The following IFNLR1 variants were observed in gnomAD, a reference collection of about 807,000 sequenced individuals.
IFNLR1 encodes interferon lambda receptor 1.
A neutral mutation model predicts 52.5 loss-of-function variants in IFNLR1; 28 were observed. The observed-to-expected ratio is 0.53, with a 90% confidence interval of 0.40 to 0.73. The LOEUF is 0.73. Among genes scored for constraint, IFNLR1 ranks in the 30% least tolerant of loss-of-function variants. The probability of loss-of-function intolerance (pLI) is 0.00; values close to 1 mark genes in which losing one functional copy is unlikely to be tolerated. For missense variants in IFNLR1, 623 were observed against 659.1 expected (o/e 0.95, Z 0.60); for synonymous variants, 276 against 274.9 (o/e 1.00, Z -0.04).
rs1644394985 is a variant in IFNLR1 at position 24,157,548 on chromosome 1, GCAGAGGAGCCTTCGCTTGGGAC to G, written c.1123_1144del (p.Val375LeufsTer91). 1 of 1,611,962 alleles carries G rather than the reference GCAGAGGAGCCTTCGCTTGGGAC, an allele frequency of 6.2e-7. No individual in the cohort carries two copies. Among genetic ancestry groups the G allele is most frequent in the Non-Finnish European group, 8.5e-7 (1 of 1,179,098 alleles). On this transcript the variant is annotated frameshift_variant, in exon 7 of 7. Coordinates refer to ENST00000327535, the MANE Select transcript of IFNLR1 (RefSeq NM_170743.4). LOFTEE classifies it high-confidence loss of function. This position sits in a 1 kb window ranked among gnomAD's most constrained non-coding sequence, Gnocchi z 5.1. ...CCAGCTTCTGTCTGAAGAATCCCAA[GCAGAGGAGCCTTCGCTTGGGAC>G]CAGAGGAGCCCTGGGCCTCCCTGAG...
At chr1:24,168,677 C>A (rs1289894365) in intron 3 of IFNLR1, among the ~76,000 whole-genome samples, 1 of 151,178 alleles carries the variant, frequency 6.6e-6, no homozygotes, top group African/African-American at 2.4e-5. Context: ...TCATCTTTAC[C>A]CCCCCACCCC....
chr1:24,157,924 T>A lies in IFNLR1; in HGVS notation c.802-33A>T. The A allele has an allele frequency of 2.0e-6, 3 of 1,513,706 alleles. No individual in the cohort carries two copies. The highest frequency in any genetic ancestry group is 2.6e-6 in the Non-Finnish European group (3 of 1,133,680). 93.8% of individuals were successfully genotyped at this position (1,513,706 alleles called of 1,614,324 possible). A position where few individuals can be genotyped will look rare whatever the true frequency, so the allele number is the denominator to read the frequency against. ...GGGTAGGGGAGAGAAAAGCAGAAAA[T>A]TTAGGCTTTCCTGAAGCATAATTAT... On this transcript the variant is annotated intron_variant, in intron 6 of 6. Transcript: ENST00000327535. The surrounding 1 kb of genome is among the most constrained non-coding windows in gnomAD (Gnocchi z 5.1).
intron 1 of IFNLR1, among the ~76,000 whole-genome samples, chr1:24,182,565 T>C (rs992138000): frequency 5.3e-5 from 8 of 152,206 alleles, no homozygotes; most frequent in Admixed American, 3.9e-4. Flanking sequence ...CTAGGTGTGC[T>C]TACATGTTAA....
chr1:24,165,635 T>C lies in IFNLR1; in HGVS notation c.367+3782A>G, dbSNP rs78961338. Among the ~76,000 whole-genome samples, 1,483 of 152,314 alleles carry C rather than the reference T, an allele frequency of 9.7e-3. 18 individuals carry two copies. The highest frequency in any genetic ancestry group is 0.034 in the African/African-American group (1,431 of 41,572). On this transcript the variant is annotated intron_variant, in intron 3 of 6. Coordinates refer to ENST00000327535, the MANE Select transcript of IFNLR1 (RefSeq NM_170743.4). The stretch of plus-strand genomic sequence containing the variant: ...ACCACCTTTCAAGTTCTAACTAAAA[T>C]GCCACTTCTTCCATGCAGCCTTCCC...
chr1:24,162,742 TTC>T (rs879259777), intron 3 of IFNLR1, among the ~76,000 whole-genome samples: 2,522 of 31,500 alleles, frequency 0.08, 158 homozygotes, highest in South Asian at 0.13. Context: ...CTTTCTTTCT[TTC>T]TTTCTTTCTT....
chr1:24,157,873 G>A lies in IFNLR1; in HGVS notation c.820C>T (p.His274Tyr), dbSNP rs1412562128. ...CTGGGCTGAAAGGTTGCCACAGGGTGTGTGTGTCCAGAAAAGTCCTGATTT... is the reference window on the plus strand; with the variant it reads ...CTGGGCTGAAAGGTTGCCACAGGGTATGTGTGTCCAGAAAAGTCCTGATTT... Reference protein sequence around the residue: ...PRALDFSGHTHPVATFQPSRP... With the variant: ...PRALDFSGHTYPVATFQPSRP... The change falls in exon 7 of 7, where the codon CAC becomes TAC. Residue 274 changes from histidine (H) to tyrosine (Y), a missense_variant. Transcript: ENST00000327535. This position sits in a 1 kb window ranked among gnomAD's most constrained non-coding sequence, Gnocchi z 5.1. The A allele has an allele frequency of 6.3e-7, 1 of 1,589,786 alleles. No individual in the cohort carries two copies. Among genetic ancestry groups the A allele is most frequent in the Admixed American group, 1.8e-5 (1 of 54,388 alleles).
chr1:24,173,794 G>A (rs772191600), intron 2 of IFNLR1, among the ~76,000 whole-genome samples: 5 of 151,480 alleles, frequency 3.3e-5, no homozygotes, highest in Non-Finnish European at 7.4e-5. Context: ...GGCTACAGGT[G>A]TACGCCACCA....
At chr1:24,181,129 C>A (rs569786308) in intron 1 of IFNLR1, among the ~76,000 whole-genome samples, 1 of 152,296 alleles carries the variant, frequency 6.6e-6, no homozygotes, top group South Asian at 2.1e-4. Context: ...TTGAGGATAT[C>A]AAGGACCAGG....
intron 3 of IFNLR1, 62 bp from the exon 4 acceptor site, chr1:24,161,746 A>G (rs1644446415): frequency 7.0e-7 from 1 of 1,425,516 alleles, no homozygotes; most frequent in East Asian, 2.5e-5. Flanking sequence ...CCATCCCCCA[A>G]GACCAGAGAG....
chr1:24,170,410 G>C (rs1438629745), intron 2 of IFNLR1, among the ~76,000 whole-genome samples: 2 of 152,072 alleles, frequency 1.3e-5, no homozygotes, highest in African/African-American at 4.8e-5. Context: ...GCCCAGGCTG[G>C]GGTGCAGTGG....
At chr1:24,162,930 C>T (rs1455538199) in intron 3 of IFNLR1, among the ~76,000 whole-genome samples, 1 of 70,556 alleles carries the variant, frequency 1.4e-5, no homozygotes, top group South Asian at 6.5e-4. Context: ...TCTTTCTTTT[C>T]TTTCTTTCTC....
At chr1:24,185,519 T>G (rs1353584825) in intron 1 of IFNLR1, among the ~76,000 whole-genome samples, 1 of 152,212 alleles carries the variant, frequency 6.6e-6, no homozygotes, top group African/African-American at 2.4e-5. Flanking sequence ...GAGGGTCCAG[T>G]TCTGTGGATG....
At chr1:24,163,910 C>G (rs747314087) in intron 3 of IFNLR1, among the ~76,000 whole-genome samples, 1 of 152,124 alleles carries the variant, frequency 6.6e-6, no homozygotes, top group Non-Finnish European at 1.5e-5. Context: ...AATCCATTCA[C>G]TCCATCCCAA....
intron 5 of IFNLR1, 139 bp downstream of exon 5, chr1:24,159,335 T>C (rs909997199): frequency 1.6e-6 from 2 of 1,238,190 alleles, no homozygotes; most frequent in African/African-American, 3.0e-5. Context: ...GGGCATTATG[T>C]AAGCTGCCCA....
chr1:24,159,726 G>GTTTTGTTTTTTTGTTTT, intron 4 of IFNLR1, 93 bp from the exon 5 acceptor site: 1 of 761,910 alleles, frequency 1.3e-6, no homozygotes, highest in Non-Finnish European at 2.0e-6. Context: ...ATGGTAGGGT[G>GTTTTGTTTTTTTGTTTT]TTTTTTTTTT....
In IFNLR1 at chr1:24,187,178, C is replaced by T. The variant is rs1428340749; in HGVS notation, c.58+13G>A. The T allele has an allele frequency of 2.9e-6, 4 of 1,363,184 alleles. No homozygotes were observed. In the Admixed American group the frequency reaches 1.3e-4, roughly 44 times the overall value. The allele number at this position is 1,363,184 out of a possible 1,614,324, so 84.4% of individuals were successfully genotyped here. ...CCCTCTTCCCCCTCCCTCCCGCGGCCCCGCGCCCTTACCTGGAGCGGCCTG... is the reference window on the plus strand; with the variant it reads ...CCCTCTTCCCCCTCCCTCCCGCGGCTCCGCGCCCTTACCTGGAGCGGCCTG... On this transcript the variant is annotated intron_variant, in intron 1 of 6. Transcript: ENST00000327535.
chr1:24,161,902 G>A (rs1427496558), intron 3 of IFNLR1, among the ~76,000 whole-genome samples: 3 of 152,214 alleles, frequency 2.0e-5, no homozygotes, highest in African/African-American at 7.2e-5. Flanking sequence ...CTGAGGCTTA[G>A]AGAGGAGAGG....
intron 2 of IFNLR1, among the ~76,000 whole-genome samples, chr1:24,178,939 C>T (rs559633064): frequency 8.5e-5 from 12 of 141,746 alleles, no homozygotes; most frequent in South Asian, 2.1e-4. Context: ...CATAGAAGTT[C>T]AGAGGATAGA....
rs1318878247 is a variant in IFNLR1, at chr1:24,180,836, G to C, written c.77C>G (p.Pro26Arg). The change falls in exon 2 of 7, where the codon CCT (proline) becomes CGT (arginine). Residue 26 changes from proline to arginine, a missense_variant. By Grantham distance (103) the Pro-to-Arg change is moderately radical (BLOSUM62 -2). Coordinates refer to ENST00000327535, the MANE Select transcript of IFNLR1 (RefSeq NM_170743.4). Reference protein sequence around the residue: ...QAAPGRPRLAPPQNVTLLSQN... With the variant: ...QAAPGRPRLARPQNVTLLSQN... ...GGAGAGCAGCGTCACATTCTGGGGA[G>C]GGGCCAGACGGGGCCTCCCTGGGGG... 4 of 1,613,492 alleles carry C rather than the reference G, an allele frequency of 2.5e-6. No individual in the cohort carries two copies. The Admixed American group carries it at 5.0e-5, about 20-fold the overall frequency.
Sources: allele counts gnomAD v4.1 joint callset (sites outside exome capture counted in the v4.1 genomes callset), GRCh38; gene constraint gnomAD v4.1.1; non-coding constraint Gnocchi (gnomAD v3.1); transcripts MANE v1.5; gene names NCBI Gene and HGNC (gene_info 2026-07-23, HGNC 2026-07-21).